Variants in CFAP92 observed in about 807,000 individuals in gnomAD.
CFAP92 encodes the protein cilia and flagella associated protein 92 (putative).
CFAP92 carries 86 observed loss-of-function variants against 106.3 expected under a neutral mutation model. That is an observed-to-expected ratio of 0.81 (90% CI 0.68 to 0.97). The LOEUF is 0.97. CFAP92 is among the 50% of genes least tolerant of loss of function. The probability of loss-of-function intolerance (pLI) is 0.00; values close to 1 mark genes in which losing one functional copy is unlikely to be tolerated. For synonymous variants in CFAP92, 477 were observed against 506.4 expected (o/e 0.94, Z 0.78); for missense variants, 1,204 against 1,283.8 (o/e 0.94, Z 0.95).
At chr3:128,924,395 T>C (rs971113091) in intron 12 of CFAP92, among the ~76,000 whole-genome samples, 2 of 148,906 alleles carry the variant, frequency 1.3e-5, no homozygotes, top group African/African-American at 5.0e-5. Context: ...GCTGGCTCCT[T>C]CCTTCTAGCA....
At chr3:128,947,896 G>A (rs1464522437) in intron 9 of CFAP92, among the ~76,000 whole-genome samples, 2 of 151,212 alleles carry the variant, frequency 1.3e-5, no homozygotes, top group African/African-American at 4.9e-5. Context: ...AAAGCATTGA[G>A]AAGAAAACAG....
At chr3:129,011,330 C>A in the CFAP92 span, among the ~76,000 whole-genome samples, 3 of 152,158 alleles carry the variant, frequency 2.0e-5, no homozygotes, top group Non-Finnish European at 4.4e-5. Flanking sequence ...GTGGGTGGAT[C>A]ACCTGAGGTC....
chr3:128,960,565 G>A (rs1242929661), intron 9 of CFAP92, among the ~76,000 whole-genome samples: 1 of 152,190 alleles, frequency 6.6e-6, no homozygotes, highest in Non-Finnish European at 1.5e-5. Context: ...CCAAAACTCC[G>A]GCGCCGGTCA....
the CFAP92 span, among the ~76,000 whole-genome samples, chr3:129,019,099 G>T: frequency 6.6e-6 from 1 of 152,206 alleles, no homozygotes; most frequent in Non-Finnish European, 1.5e-5. Flanking sequence ...ACACATAAAT[G>T]ATTTGACCAA....
At chr3:128,961,526 C>A (rs534986862) in intron 9 of CFAP92, among the ~76,000 whole-genome samples, 41 of 152,282 alleles carry the variant, frequency 2.7e-4, no homozygotes, top group African/African-American at 9.4e-4. Flanking sequence ...AGCCCTCCCC[C>A]ACCTGCCCAG....
chr3:128,979,893 A>G (rs894578837), intron 4 of CFAP92, among the ~76,000 whole-genome samples: 1 of 150,856 alleles, frequency 6.6e-6, no homozygotes, highest in Non-Finnish European at 1.5e-5. Flanking sequence ...ACATGTATAC[A>G]TATGTAACAA....
At chr3:129,009,007 G>A in the CFAP92 span, among the ~76,000 whole-genome samples, 33 of 134,120 alleles carry the variant, frequency 2.5e-4, no homozygotes, top group South Asian at 8.4e-3. Context: ...GATTATTGGC[G>A]GGGTGGGGGG....
chr3:128,944,918 A>G (rs757391347), intron 10 of CFAP92, among the ~76,000 whole-genome samples, 153 bp downstream of exon 10: 2 of 152,156 alleles, frequency 1.3e-5, no homozygotes, highest in East Asian at 1.9e-4. Flanking sequence ...TTCAAGTCCA[A>G]TGACTAAACC....
In CFAP92 at chr3:128,961,162, A is replaced by C. The variant is rs532119994; in HGVS notation, c.1353+4349T>G. 1.4e-4 allele frequency among the ~76,000 whole-genome samples: 21 copies of C among 152,318 alleles called. No homozygotes were observed. The East Asian group carries it at 3.9e-3, about 28-fold the overall frequency. On this transcript the variant is annotated intron_variant, in intron 9 of 15. Coordinates refer to ENST00000645291, the MANE Select transcript of CFAP92 (RefSeq NM_001394090.1). ...CCAAATAGCCAGAAAATGGCACTTT[A>C]AATTTTTCCATCCTGCAAGATCTAA... is the stretch of plus-strand genomic sequence containing the variant.
intron 12 of CFAP92, among the ~76,000 whole-genome samples, chr3:128,931,866 A>AT (rs780624593): frequency 1.1e-4 from 17 of 150,846 alleles, no homozygotes; most frequent in Non-Finnish European, 1.9e-4. Flanking sequence ...CTAAAAAAAA[A>AT]GTAAAAAAAA....
At position 128,976,992 on chromosome 3, in the gene CFAP92, A is replaced by T; in HGVS notation, c.883T>A (p.Ser295Thr). ...EYEKSLKMDD[S>T]STIQWSVSRT... Reference sequence around the variant, plus strand: ...TTCAATCCTTACTGAATCGTGGAAGAATCGTCCATTTTGAGGGACTTCTCA... The same window carrying T: ...TTCAATCCTTACTGAATCGTGGAAGTATCGTCCATTTTGAGGGACTTCTCA... The change falls in exon 6 of 16, where the codon TCT becomes ACT. Residue 295 changes from serine (S) to threonine (T), a missense_variant. Physicochemically the swap from Ser to Thr is moderately conservative, Grantham distance 58. Coordinates refer to ENST00000645291, the MANE Select transcript of CFAP92 (RefSeq NM_001394090.1). 1 of 1,613,816 alleles carries T rather than the reference A, an allele frequency of 6.2e-7. No homozygotes were observed. The highest frequency in any genetic ancestry group is 8.5e-7 in the Non-Finnish European group (1 of 1,179,714).
At chr3:128,999,270 T>A (rs1383085206) in intron 1 of CFAP92, among the ~76,000 whole-genome samples, 2 of 152,184 alleles carry the variant, frequency 1.3e-5, no homozygotes, top group Non-Finnish European at 2.9e-5. Context: ...ATTTCAGAGG[T>A]GCCTGGTAAC....
chr3:128,912,620 T>C (rs778755390), intron 15 of CFAP92: 1 of 1,609,288 alleles, frequency 6.2e-7, no homozygotes, highest in Non-Finnish European at 8.5e-7. Context: ...CAGGGGACAG[T>C]GTCCCCTGCT....
At chr3:128,984,055 G>A (rs1370710177) in intron 4 of CFAP92, among the ~76,000 whole-genome samples, 4 of 152,184 alleles carry the variant, frequency 2.6e-5, no homozygotes, top group Non-Finnish European at 4.4e-5. Context: ...ACAGGCGGGG[G>A]ACACCCACTG....
intron 15 of CFAP92, 198 bp downstream of exon 15, chr3:128,914,921 G>T: frequency 1.7e-6 from 1 of 588,218 alleles, no homozygotes; most frequent in South Asian, 2.3e-5. Context: ...TCACACTTGG[G>T]GCTAGAATCC....
At chr3:128,965,740 C>A in intron 8 of CFAP92, 45 bp from the exon 9 acceptor site, 1 of 398,180 alleles carries the variant, frequency 2.5e-6, no homozygotes, top group South Asian at 1.3e-4. Flanking sequence ...CCCGACACCC[C>A]CAAGACACGC....
upstream of CFAP92, among the ~76,000 whole-genome samples, chr3:128,996,357 T>C (rs910621395): frequency 6.6e-5 from 10 of 152,348 alleles, no homozygotes; most frequent in South Asian, 1.9e-3. Flanking sequence ...GGGTGATTTG[T>C]TGTGCAATAA....
chr3:128,929,386 T>C (rs541667565), intron 12 of CFAP92, among the ~76,000 whole-genome samples: 1 of 152,268 alleles, frequency 6.6e-6, no homozygotes, highest in East Asian at 1.9e-4. Flanking sequence ...ATCATAAATA[T>C]AAACCTACCT....
chr3:128,944,939 C>T, intron 10 of CFAP92, 132 bp downstream of exon 10: 1 of 784,770 alleles, frequency 1.3e-6, no homozygotes, highest in East Asian at 2.7e-5. Flanking sequence ...CTGGTAAGTA[C>T]CTCACAATGA....
Sources: allele counts gnomAD v4.1 joint callset (sites outside exome capture counted in the v4.1 genomes callset), GRCh38; gene constraint gnomAD v4.1.1; transcripts MANE v1.5; gene names NCBI Gene and HGNC (gene_info 2026-07-23, HGNC 2026-07-21).